SLC9A9: variants seen among roughly 807,000 people sequenced by gnomAD.
SLC9A9 encodes sodium/hydrogen exchanger 9.
SLC9A9 carries 62 observed loss-of-function variants against 77.8 expected under a neutral mutation model. That is an observed-to-expected ratio of 0.80 (90% CI 0.65 to 0.98). SLC9A9 has a LOEUF of 0.98. Ranked by LOEUF, SLC9A9 falls within the 50% of genes least tolerant of loss-of-function variation. The pLI is 0.00. For missense variants in SLC9A9, 775 were observed against 774.9 expected, an observed-to-expected ratio of 1.00 and a Z score of 0.00; for synonymous variants, 320 against 283.5, an observed-to-expected ratio of 1.13 and a Z score of -1.29.
intron 5 of SLC9A9, among the ~76,000 whole-genome samples, chr3:143,662,278 A>C (rs932082161): frequency 7.9e-5 from 12 of 152,226 alleles, no homozygotes; most frequent in Non-Finnish European, 1.3e-4. Flanking sequence ...ATAATATACG[A>C]ATGAAGAAGT....
intron 12 of SLC9A9, among the ~76,000 whole-genome samples, chr3:143,447,843 C>A (rs1374892882): frequency 6.6e-6 from 1 of 152,164 alleles, no homozygotes; most frequent in Non-Finnish European, 1.5e-5. Context: ...GACAACACAT[C>A]ATAGGGCAGG....
In SLC9A9 at chr3:143,419,023, C is replaced by T. The variant is rs1277892528; in HGVS notation, c.1470-36909G>A. On this transcript the variant is annotated intron_variant, in intron 12 of 15. Transcript: ENST00000316549. ...TGCAGCTTCATTTTCATTTTCTTGT[C>T]CCTTTCCCTTGATACTACATGTGTA... 3.3e-5 allele frequency among the ~76,000 whole-genome samples: 5 copies of T among 152,142 alleles called. No individual in the cohort carries two copies. The East Asian group carries it at 5.8e-4, about 18-fold the overall frequency.
At chr3:143,739,104 A>T (rs1446101445) in intron 4 of SLC9A9, among the ~76,000 whole-genome samples, 1 of 152,088 alleles carries the variant, frequency 6.6e-6, no homozygotes, top group Non-Finnish European at 1.5e-5. Context: ...GGTGAAGCTG[A>T]AAGTTCCAAC....
chr3:143,844,826 A>C (rs2009798296), intron 1 of SLC9A9, among the ~76,000 whole-genome samples: 1 of 148,602 alleles, frequency 6.7e-6, no homozygotes, highest in Non-Finnish European at 1.5e-5. Context: ...GCTCGAGTGA[A>C]GGCTGGAGTG....
chr3:143,637,635 T>C (rs1366918546), intron 6 of SLC9A9, among the ~76,000 whole-genome samples: 1 of 152,232 alleles, frequency 6.6e-6, no homozygotes, highest in African/African-American at 2.4e-5. Context: ...TCTTATTTGC[T>C]TTTATAATCT....
chr3:143,794,314 C>T lies in SLC9A9; in HGVS notation c.533+687G>A, dbSNP rs572896784. Among the ~76,000 whole-genome samples the T allele has an allele frequency of 3.9e-4, 46 of 119,442 alleles. No individual in the cohort carries two copies. In the East Asian group the frequency reaches 0.014, roughly 35 times the overall value. 78.4% of individuals were successfully genotyped at this position (119,442 alleles called of 152,430 possible). ...CATCTGCATCATCACAGTCATAGTA[C>T]CTGGACATTTTTTTTTTTTCCTGCA... On this transcript the variant is annotated intron_variant, in intron 4 of 15. Transcript: ENST00000316549.
intron 4 of SLC9A9, among the ~76,000 whole-genome samples, chr3:143,732,036 T>C (rs1211308343): frequency 1.3e-5 from 2 of 152,190 alleles, no homozygotes; most frequent in Non-Finnish European, 2.9e-5. Flanking sequence ...CTGAGTTTAT[T>C]TACATGGCTT....
chr3:143,390,864 G>A (rs1314870225), intron 12 of SLC9A9, among the ~76,000 whole-genome samples: 2 of 152,232 alleles, frequency 1.3e-5, no homozygotes, highest in Non-Finnish European at 2.9e-5. Flanking sequence ...TAGCACAGCA[G>A]GCTGAGATTG....
chr3:143,552,471 C>G (rs762294809), intron 8 of SLC9A9, 21 bp from the exon 9 acceptor site: 1 of 1,602,856 alleles, frequency 6.2e-7, no homozygotes, highest in Non-Finnish European at 8.5e-7. Context: ...AAAAACAGAT[C>G]AGTCAAAACC....
At chr3:143,310,490 G>C (rs766073155) in intron 14 of SLC9A9, among the ~76,000 whole-genome samples, 1 of 150,514 alleles carries the variant, frequency 6.6e-6, no homozygotes, top group South Asian at 2.1e-4. Context: ...TGCAGGCGTG[G>C]TGTGGCCTTT....
intron 2 of SLC9A9, among the ~76,000 whole-genome samples, chr3:143,822,459 G>A (rs1426476902): frequency 1.3e-5 from 2 of 152,184 alleles, no homozygotes; most frequent in African/African-American, 4.8e-5. Flanking sequence ...TGTGAAGGGA[G>A]CAGCTGGGAG....
At chr3:143,407,974 C>A (rs1457124293) in intron 12 of SLC9A9, among the ~76,000 whole-genome samples, 2 of 152,168 alleles carry the variant, frequency 1.3e-5, no homozygotes, top group Non-Finnish European at 1.5e-5. Flanking sequence ...GATCAAGATG[C>A]TGGCCAATTA....
At chr3:143,266,980 A>G (rs1419364710) in intron 15 of SLC9A9, 51 bp from the exon 16 acceptor site, 1 of 1,574,850 alleles carries the variant, frequency 6.3e-7, no homozygotes, top group Non-Finnish European at 8.7e-7. Context: ...GGCAGAAAAC[A>G]ATAGCAGTCC....
chr3:143,580,530 C>A (rs138424283), intron 6 of SLC9A9, among the ~76,000 whole-genome samples: 2 of 152,240 alleles, frequency 1.3e-5, no homozygotes, highest in East Asian at 1.9e-4. Flanking sequence ...TTCTTTAAAT[C>A]ATTTTTATTC....
chr3:143,354,587 G>A (rs942975751), intron 14 of SLC9A9, among the ~76,000 whole-genome samples: 4 of 152,190 alleles, frequency 2.6e-5, no homozygotes, highest in African/African-American at 4.8e-5. Flanking sequence ...TAGCTCATGA[G>A]CTTGTTGGCA....
At chr3:143,550,729 A>G (rs1217777309) in intron 9 of SLC9A9, among the ~76,000 whole-genome samples, 1 of 152,238 alleles carries the variant, frequency 6.6e-6, no homozygotes, top group African/African-American at 2.4e-5. Context: ...TATGTGATCA[A>G]TAAATGATTA....
rs73011420 is a variant in SLC9A9 at position 143,775,180 on chromosome 3, G to A, written c.533+19821C>T. On this transcript the variant is annotated intron_variant, in intron 4 of 15. Coordinates refer to ENST00000316549, the MANE Select transcript of SLC9A9 (RefSeq NM_173653.4). ...ACCAAAGATAGAATTTTAGCCCTGG[G>A]AAAACCTTAAATTAACAGAAAATGA... Among the ~76,000 whole-genome samples the A allele has an allele frequency of 9.5e-3, 1,453 of 152,216 alleles. 22 individuals carry two copies. The highest frequency in any genetic ancestry group is 0.034 in the African/African-American group (1,393 of 41,524).
chr3:143,542,560 A>G (rs1344283368), intron 9 of SLC9A9, among the ~76,000 whole-genome samples: 2 of 152,216 alleles, frequency 1.3e-5, no homozygotes, highest in African/African-American at 2.4e-5. Context: ...ATGCAAATCA[A>G]TAAGGCATGG....
chr3:143,371,763 G>C (rs2033064504), intron 13 of SLC9A9, among the ~76,000 whole-genome samples: 1 of 152,144 alleles, frequency 6.6e-6, no homozygotes, highest in African/African-American at 2.4e-5. Flanking sequence ...AATTGGAAAA[G>C]AAGAAGTCCA....
Sources: allele counts gnomAD v4.1 joint callset (sites outside exome capture counted in the v4.1 genomes callset), GRCh38; gene constraint gnomAD v4.1.1; transcripts MANE v1.5; gene names NCBI Gene and HGNC (gene_info 2026-07-23, HGNC 2026-07-21).